SPATA13: variants seen among roughly 807,000 people sequenced by gnomAD.
The protein encoded by SPATA13 is spermatogenesis-associated protein 13.
In SPATA13, 50 loss-of-function variants were observed where a neutral mutation model predicts 104.0. The observed-to-expected ratio is 0.48, with a 90% CI of 0.38 to 0.61. The LOEUF (loss-of-function observed/expected upper bound fraction) is 0.61, where lower values mean the gene tolerates loss of function less well. Ranked by LOEUF, SPATA13 falls within the 20% of genes least tolerant of loss-of-function variation. The pLI is 0.00. For synonymous variants in SPATA13, 606 were observed against 667.5 expected (o/e 0.91, Z 1.42); for missense variants, 1,524 against 1,690.6 (o/e 0.90, Z 1.73).
At chr13:24,014,326 G>A (rs1410389621) in intron 2 of SPATA13, among the ~76,000 whole-genome samples, 2 of 152,000 alleles carry the variant, frequency 1.3e-5, no homozygotes, top group African/African-American at 4.8e-5. Context: ...ACAACTCGGG[G>A]GCACCAACAC....
At chr13:24,067,962 C>T (rs938457523) in intron 3 of SPATA13, among the ~76,000 whole-genome samples, 1 of 152,064 alleles carries the variant, frequency 6.6e-6, no homozygotes, top group African/African-American at 2.4e-5. Flanking sequence ...CCTTGGCCTC[C>T]CAAAGTGCTA....
chr13:24,164,340 C>T (rs560003141), intron 1 of SPATA13, among the ~76,000 whole-genome samples: 2 of 152,258 alleles, frequency 1.3e-5, no homozygotes, highest in African/African-American at 4.8e-5. Context: ...CCTCTGCTCC[C>T]TCCATGTTTA....
chr13:24,156,534 T>C (rs9511091), upstream of SPATA13, among the ~76,000 whole-genome samples: 65,852 of 152,106 alleles, frequency 0.43, 16,271 homozygotes, highest in Admixed American at 0.57. Flanking sequence ...AGCACCCCAA[T>C]AGCCAAATAG....
At chr13:24,076,096 A>G (rs1312942967) in intron 3 of SPATA13, among the ~76,000 whole-genome samples, 4 of 152,336 alleles carry the variant, frequency 2.6e-5, no homozygotes, top group African/African-American at 9.6e-5. Context: ...AAACAGAGAA[A>G]AGAGGACTTT....
chr13:24,186,821 A>G (rs1278988266), intron 1 of SPATA13, among the ~76,000 whole-genome samples: 2 of 152,210 alleles, frequency 1.3e-5, no homozygotes, highest in African/African-American at 2.4e-5. Flanking sequence ...AGAGCTGGAA[A>G]TAGGATTGGA....
intron 3 of SPATA13, among the ~76,000 whole-genome samples, chr13:24,138,333 A>G (rs556430330): frequency 4.0e-4 from 60 of 151,258 alleles, no homozygotes; most frequent in Admixed American, 3.6e-3. Context: ...AGTTTTACTG[A>G]ATTAGTATTA....
At chr13:23,987,057 GC>G (rs1875181964) in intron 2 of SPATA13, among the ~76,000 whole-genome samples, 1 of 146,268 alleles carries the variant, frequency 6.8e-6, no homozygotes, top group Admixed American at 6.9e-5. Flanking sequence ...TCCACATGGG[GC>G]AGGCCTACCC....
chr13:23,999,463 T>C (rs1360082936), intron 2 of SPATA13, among the ~76,000 whole-genome samples: 3 of 151,296 alleles, frequency 2.0e-5, no homozygotes, highest in Non-Finnish European at 4.4e-5. Context: ...ATTAACAATA[T>C]TGAATCTTCC....
rs201695587 is a variant in SPATA13 at position 24,224,339 on chromosome 13, G to A, written c.1410G>A (p.Lys470=). The A allele has an allele frequency of 4.5e-6, 7 of 1,551,488 alleles. No homozygotes were observed. The highest frequency in any genetic ancestry group is 5.2e-6 in the Non-Finnish European group (6 of 1,146,976). ...CCCCTCTAAGGCCCACCACACCCAA[G>A]CCCCAGAGCCCTCAGAGCCCCCAGA... ...PPTPLRPTTP[K]PQSPQSPQSP... is the part of the protein sequence containing the mutation. Residue 470 remains lysine (K), a synonymous_variant, in exon 2 of 13, where the codon AAG becomes AAA. Transcript: ENST00000382108.
intron 4 of SPATA13, chr13:24,278,783 A>T (rs1371776095): frequency 1.2e-6 from 2 of 1,602,576 alleles, no homozygotes; most frequent in South Asian, 2.3e-5. Flanking sequence ...AAAGAAAAAT[A>T]TAGAAAAGAA....
chr13:24,142,933 T>C (rs1340545966), intron 3 of SPATA13, among the ~76,000 whole-genome samples: 1 of 152,192 alleles, frequency 6.6e-6, no homozygotes, highest in African/African-American at 2.4e-5. Flanking sequence ...CTTGCAGGGC[T>C]GAAGCAGCTC....
At chr13:24,125,140 A>T (rs1923910) in intron 3 of SPATA13, among the ~76,000 whole-genome samples, 18,657 of 152,072 alleles carry the variant, frequency 0.12, 1,479 homozygotes, top group East Asian at 0.32. Context: ...TGAGGCTCTT[A>T]GTTTCTGCTC....
rs1487073013 is a variant in SPATA13, at chr13:24,249,484, C to G, written c.1661C>G (p.Pro554Arg). The G allele has an allele frequency of 3.8e-6, 6 of 1,560,964 alleles. No individual in the cohort carries two copies. Among genetic ancestry groups the G allele is most frequent in the Non-Finnish European group, 5.2e-6 (6 of 1,151,816 alleles). The part of the protein sequence containing the change: ...PEEKEKEEVV[P>R]DGPWRRSSSQ... Reference sequence around the variant, plus strand: ...CCTGTTCGCATTTGAAAGGTCGTCCCTGATGGCCCCTGGAGGCGAAGCTCA... The same window carrying G: ...CCTGTTCGCATTTGAAAGGTCGTCCGTGATGGCCCCTGGAGGCGAAGCTCA... Residue 554 changes from proline to arginine, a missense_variant, in exon 3 of 13, where the codon CCT (proline) becomes CGT (arginine). By Grantham distance (103) the Pro-to-Arg change is moderately radical. This residue lies in a region of SPATA13 where 1,089 missense variants were observed against 1,135.9 expected (regional missense o/e 0.96). Coordinates refer to ENST00000382108, the MANE Select transcript of SPATA13 (RefSeq NM_001166271.3).
intron 2 of SPATA13, among the ~76,000 whole-genome samples, chr13:24,012,788 C>T (rs9578667): frequency 0.12 from 18,394 of 152,292 alleles, 1,485 homozygotes; most frequent in African/African-American, 0.24. Flanking sequence ...CACAGCAATG[C>T]CCAGAACACC....
intron 2 of SPATA13, among the ~76,000 whole-genome samples, chr13:24,230,236 T>C (rs1477959821): frequency 6.6e-6 from 1 of 152,222 alleles, no homozygotes; most frequent in Non-Finnish European, 1.5e-5. Flanking sequence ...CAACACCTGC[T>C]ATGTGAACAG....
intron 4 of SPATA13, among the ~76,000 whole-genome samples, chr13:24,281,705 C>T (rs1875536189): frequency 6.6e-6 from 1 of 151,764 alleles, no homozygotes; most frequent in Non-Finnish European, 1.5e-5. Context: ...ATGAGCAGAC[C>T]CAGCTCAGTG....
intron 2 of SPATA13, among the ~76,000 whole-genome samples, chr13:23,985,765 C>T (rs1003019468): frequency 6.6e-6 from 1 of 152,152 alleles, no homozygotes; most frequent in Non-Finnish European, 1.5e-5. Context: ...GAAGGATACA[C>T]AGGCAACATA....
At chr13:24,103,504 A>AAAAAAAGAG (rs1458068316) in intron 3 of SPATA13, among the ~76,000 whole-genome samples, 23 of 115,610 alleles carry the variant, frequency 2.0e-4, no homozygotes, top group East Asian at 2.3e-4. Context: ...AAAAAAAAAC[A>AAAAAAAGAG]AGAAAGAAAA....
At chr13:24,139,220 A>G (rs1388736692) in intron 3 of SPATA13, among the ~76,000 whole-genome samples, 1 of 151,916 alleles carries the variant, frequency 6.6e-6, no homozygotes, top group Non-Finnish European at 1.5e-5. Flanking sequence ...CTGAGTCCAA[A>G]TTCCCCTCCT....
Sources: gnomAD v4.1 joint callset for allele counts (sites outside exome capture counted in the v4.1 genomes callset) on GRCh38, gnomAD v4.1.1 for gene constraint, gnomAD v4.1.1 regional missense constraint, MANE v1.5 for transcripts, NCBI Gene and HGNC (gene_info 2026-07-23, HGNC 2026-07-21) for gene names.